Variants in LRRC4C observed in about 807,000 individuals in gnomAD.
LRRC4C encodes the protein leucine rich repeat containing 4C.
A neutral mutation model predicts 33.6 loss-of-function variants in LRRC4C; 5 were observed. The ratio of observed to expected loss-of-function variants is 0.15; its 90% CI spans 0.08 to 0.31. The LOEUF is 0.31. LRRC4C is among the 10% of genes least tolerant of loss of function. LRRC4C has a pLI of 1.00. For missense variants in LRRC4C, 560 were observed against 796.7 expected, an observed-to-expected ratio of 0.70 and a Z score of 3.58; for synonymous variants, 329 against 302.0, an observed-to-expected ratio of 1.09 and a Z score of -0.93.
At chr11:40,834,520 ATACTACTTCTAGT>A (rs1479481950) in intron 2 of LRRC4C, among the ~76,000 whole-genome samples, 1 of 152,016 alleles carries the variant, frequency 6.6e-6, no homozygotes, top group Non-Finnish European at 1.5e-5. Flanking sequence ...AATCCAATAT[ATACTACTTCTAGT>A]AGTGGGGAAA....
At chr11:40,592,121 G>A (rs1454314347) in intron 3 of LRRC4C, among the ~76,000 whole-genome samples, 1 of 152,158 alleles carries the variant, frequency 6.6e-6, no homozygotes, top group Admixed American at 6.5e-5. Context: ...GTACAATGAT[G>A]GGCCAACCCA....
intron 2 of LRRC4C, among the ~76,000 whole-genome samples, chr11:40,741,514 T>C (rs781370851): frequency 7.9e-5 from 12 of 151,998 alleles, no homozygotes; most frequent in Non-Finnish European, 1.3e-4. Context: ...ATTTCAATGC[T>C]CAATCCAACC....
intron 5 of LRRC4C, among the ~76,000 whole-genome samples, chr11:40,165,735 C>T (rs562962244): frequency 4.6e-5 from 7 of 152,216 alleles, no homozygotes; most frequent in South Asian, 4.1e-4. Flanking sequence ...CACCTGAGGT[C>T]GGGAGTTCAA....
At chr11:40,803,248 G>T (rs1172580192) in intron 2 of LRRC4C, among the ~76,000 whole-genome samples, 4 of 152,120 alleles carry the variant, frequency 2.6e-5, no homozygotes, top group African/African-American at 4.8e-5. Context: ...CACATATGAG[G>T]AAATGGAGGC....
At chr11:41,073,440 C>T (rs1938868432) in intron 1 of LRRC4C, among the ~76,000 whole-genome samples, 1 of 152,188 alleles carries the variant, frequency 6.6e-6, no homozygotes, top group African/African-American at 2.4e-5. Flanking sequence ...ATTGAAACAC[C>T]TCTCCCCAGG....
chr11:40,363,421 G>A (rs1565315044), intron 3 of LRRC4C, among the ~76,000 whole-genome samples: 1 of 152,126 alleles, frequency 6.6e-6, no homozygotes, highest in Non-Finnish European at 1.5e-5. Flanking sequence ...GTGAAGGCTG[G>A]GAGGAGGGAG....
chr11:41,443,089 A>ATTTTTTTTTTTTTTTTTTTTTTCTTTTTT, intron 1 of LRRC4C, among the ~76,000 whole-genome samples: 1 of 105,992 alleles, frequency 9.4e-6, no homozygotes. Context: ...TGTTTGCTTC[A>ATTTTTTTTTTTTTTTTTTTTTTCTTTTTT]TTTTTTTTTT....
chr11:40,915,627 T>C (rs1172915997), intron 2 of LRRC4C, among the ~76,000 whole-genome samples: 1 of 152,198 alleles, frequency 6.6e-6, no homozygotes, highest in Non-Finnish European at 1.5e-5. Flanking sequence ...ATTCAGGACA[T>C]AGGCATGGGC....
intron 2 of LRRC4C, among the ~76,000 whole-genome samples, chr11:40,699,358 T>G (rs1379780325): frequency 6.6e-6 from 1 of 152,008 alleles, no homozygotes; most frequent in Non-Finnish European, 1.5e-5. Context: ...GCACAAAAAA[T>G]CCCTTCATTA....
intron 5 of LRRC4C, among the ~76,000 whole-genome samples, chr11:40,150,979 C>T (rs1858157583): frequency 6.6e-6 from 1 of 152,150 alleles, no homozygotes; most frequent in African/African-American, 2.4e-5. Flanking sequence ...GTGCAACTAC[C>T]TAAATGTCAT....
intron 3 of LRRC4C, among the ~76,000 whole-genome samples, chr11:40,342,781 C>T (rs1200144477): frequency 6.6e-6 from 1 of 151,924 alleles, no homozygotes; most frequent in Non-Finnish European, 1.5e-5. Flanking sequence ...TTCTCTTTTC[C>T]CAGTTACTGT....
chr11:40,579,864 C>G (rs965483412), intron 3 of LRRC4C, among the ~76,000 whole-genome samples: 1 of 152,158 alleles, frequency 6.6e-6, no homozygotes, highest in African/African-American at 2.4e-5. Flanking sequence ...GATCTTCGCT[C>G]ACTTCAATCC....
intron 2 of LRRC4C, among the ~76,000 whole-genome samples, chr11:40,719,572 G>T (rs900715717): frequency 6.6e-6 from 1 of 152,164 alleles, no homozygotes; most frequent in African/African-American, 2.4e-5. Context: ...GCTGCTTTTG[G>T]ATGATGAAAA....
chr11:41,252,674 C>T (rs1199774352), intron 1 of LRRC4C, among the ~76,000 whole-genome samples: 1 of 152,066 alleles, frequency 6.6e-6, no homozygotes, highest in Non-Finnish European at 1.5e-5. Context: ...CTCTCAGCTG[C>T]TAATAAAGAC....
At chr11:40,699,351 CA>C (rs147686517) in intron 2 of LRRC4C, among the ~76,000 whole-genome samples, 1 of 152,040 alleles carries the variant, frequency 6.6e-6, no homozygotes, top group Non-Finnish European at 1.5e-5. Context: ...CAGCTCAGCA[CA>C]AAAAATCCCT....
intron 1 of LRRC4C, among the ~76,000 whole-genome samples, chr11:41,340,162 G>A (rs556854062): frequency 2.7e-4 from 41 of 152,146 alleles, no homozygotes; most frequent in Non-Finnish European, 4.6e-4. Context: ...AGAACACAGA[G>A]GACGAAAGAA....
intron 2 of LRRC4C, among the ~76,000 whole-genome samples, chr11:40,921,326 T>C (rs1424746864): frequency 6.6e-6 from 1 of 152,030 alleles, no homozygotes; most frequent in Non-Finnish European, 1.5e-5. Flanking sequence ...ACTAAATCTG[T>C]CATTATTAAT....
At chr11:41,347,878 G>A (rs369406441) in intron 1 of LRRC4C, among the ~76,000 whole-genome samples, 2 of 151,936 alleles carry the variant, frequency 1.3e-5, no homozygotes, top group African/African-American at 4.8e-5. Context: ...AAATGCTTCC[G>A]AACCACCGGT....
At chr11:40,470,926 G>C (rs897007562) in intron 3 of LRRC4C, among the ~76,000 whole-genome samples, 1 of 152,164 alleles carries the variant, frequency 6.6e-6, no homozygotes, top group Non-Finnish European at 1.5e-5. Flanking sequence ...ACCTGAAAGT[G>C]ATGAGGAGAA....
Sources: allele counts gnomAD v4.1 joint callset (sites outside exome capture counted in the v4.1 genomes callset), GRCh38; gene constraint gnomAD v4.1.1; transcripts MANE v1.5; gene names NCBI Gene and HGNC (gene_info 2026-07-23, HGNC 2026-07-21).